The following PIK3CG variants were observed in gnomAD, a reference collection of about 807,000 sequenced individuals.
PIK3CG encodes phosphatidylinositol-4,5-bisphosphate 3-kinase catalytic subunit gamma.
In PIK3CG, 55 loss-of-function variants were observed where a neutral mutation model predicts 102.3. The ratio of observed to expected loss-of-function variants is 0.54; its 90% confidence interval spans 0.43 to 0.67. The LOEUF (loss-of-function observed/expected upper bound fraction) is 0.67. PIK3CG is among the 30% of genes least tolerant of loss of function. PIK3CG has a pLI of 0.00. For missense variants in PIK3CG, 1,258 were observed against 1,391.8 expected (o/e 0.90, Z 1.53); for synonymous variants, 552 against 540.0 (o/e 1.02, Z -0.31).
intron 10 of PIK3CG, 134 bp from the exon 11 acceptor site, chr7:106,904,975 C>A: frequency 2.7e-6 from 2 of 752,834 alleles, no homozygotes; most frequent in South Asian, 1.8e-5. Context: ...AGTTTTTCAT[C>A]TGAGGCAGGG....
In PIK3CG at chr7:106,872,030, A is replaced by C. The variant is rs1190930392; in HGVS notation, c.1996-507A>C. The stretch of plus-strand genomic sequence containing the variant: ...TAAGGACCTGTGAGACAGTTCAGTG[A>C]CTTGCCAGTGAGATGCCGAAAAGGG... On this transcript the variant is annotated intron_variant, in intron 2 of 10. Coordinates refer to ENST00000496166, the MANE Select transcript of PIK3CG (RefSeq NM_001282426.2). The surrounding 1 kb of genome is among the most constrained non-coding windows in gnomAD (Gnocchi z 5.3). 6.6e-6 allele frequency among the ~76,000 whole-genome samples: 1 copy of C among 152,224 alleles called. No homozygotes were observed. The highest frequency in any genetic ancestry group is 2.4e-5 in the African/African-American group (1 of 41,454).
In PIK3CG at chr7:106,897,405, GGTACATGT is replaced by G. The variant is rs2116596968; in HGVS notation, c.3031-7702_3031-7695del. Among the ~76,000 whole-genome samples the G allele has an allele frequency of 6.6e-6, 1 of 152,222 alleles. No homozygotes were observed. Among genetic ancestry groups the G allele is most frequent in the Non-Finnish European group, 1.5e-5 (1 of 68,008 alleles). On this transcript the variant is annotated intron_variant, in intron 10 of 10. Transcript: ENST00000496166. This position sits in a 1 kb window ranked among gnomAD's most constrained non-coding sequence, Gnocchi z 4.6. ...ACCCTTTCTTTTATTTTTGGCTGGG[GGTACATGT>G]GAAAGTTTGTTACATAGGTAAACAC...
chr7:106,875,909 G>GTTTTTT (rs559463107), intron 5 of PIK3CG, among the ~76,000 whole-genome samples: 3 of 123,074 alleles, frequency 2.4e-5, no homozygotes, highest in African/African-American at 6.1e-5. Context: ...TTTTTTTTTT[G>GTTTTTT]TTTTTTTTTT....
chr7:106,887,933 CTTTTTT>C (rs71156344), intron 10 of PIK3CG, among the ~76,000 whole-genome samples: 1 of 60,602 alleles, frequency 1.7e-5, no homozygotes, highest in Non-Finnish European at 2.8e-5. Context: ...GACGACTCTC[CTTTTTT>C]TTTTTTTTTT....
In PIK3CG at chr7:106,885,741, A is replaced by G. The variant is rs200295453; in HGVS notation, c.2873-394A>G. The stretch of plus-strand genomic sequence containing the variant: ...GGCCGTAGATGGCTACTCAAAAGGA[A>G]AAGGTGAATAACCCCTGCCCCCAAG... On this transcript the variant is annotated intron_variant, in intron 9 of 10. Coordinates refer to ENST00000496166, the MANE Select transcript of PIK3CG (RefSeq NM_001282426.2). Among the ~76,000 whole-genome samples the G allele has an allele frequency of 5.9e-5, 9 of 152,060 alleles. No individual in the cohort carries two copies. In the East Asian group the frequency reaches 1.5e-3, roughly 26 times the overall value.
chr7:106,886,127 C>T lies in PIK3CG; in HGVS notation c.2873-8C>T. On this transcript the variant is annotated splice_polypyrimidine_tract_variant and splice_region_variant and intron_variant, in intron 9 of 10. Coordinates refer to ENST00000496166, the MANE Select transcript of PIK3CG (RefSeq NM_001282426.2). The stretch of plus-strand genomic sequence containing the variant: ...CTGTAATGATGTCAGATACTTTCTT[C>T]TCTTAAGGAAACCTATTTCATATTG... 6.2e-7 allele frequency: 1 copy of T among 1,613,004 alleles called. No individual in the cohort carries two copies.
Position 106,894,124 on chromosome 7 carries a change from C to T in PIK3CG, c.3030+7832C>T, listed in dbSNP as rs1296481940. On this transcript the variant is annotated intron_variant, in intron 10 of 10. Transcript: ENST00000496166. This position sits in a 1 kb window ranked among gnomAD's most constrained non-coding sequence, Gnocchi z 4.4. ...ACAGTTTTAAATTAGCCTCCTTCCC[C>T]AACCCATTGTGGATTGTTTCCTTTC... Among the ~76,000 whole-genome samples the T allele has an allele frequency of 6.6e-6, 1 of 152,146 alleles. No individual in the cohort carries two copies. The highest frequency in any genetic ancestry group is 1.5e-5 in the Non-Finnish European group (1 of 68,018).
chr7:106,867,655 C>T lies in PIK3CG; in HGVS notation c.94C>T (p.Leu32=), dbSNP rs900422563. 3.1e-6 allele frequency: 5 copies of T among 1,613,298 alleles called. No individual in the cohort carries two copies. The highest frequency in any genetic ancestry group is 4.2e-6 in the Non-Finnish European group (5 of 1,180,032). The part of the protein sequence containing the change: ...RMKPRSAAAS[L]SSMELIPIEF... ...GAAGCCGCGCAGTGCTGCGGCCAGC[C>T]TGTCCTCCATGGAGCTCATCCCCAT... Residue 32 remains leucine, a synonymous_variant, in exon 2 of 11, where the codon CTG becomes TTG. Transcript: ENST00000496166. The surrounding 1 kb of genome is among the most constrained non-coding windows in gnomAD (Gnocchi z 5.1).
In PIK3CG at chr7:106,892,751, A is replaced by G. The variant is rs1032808471; in HGVS notation, c.3030+6459A>G. Among the ~76,000 whole-genome samples, 1 of 152,194 alleles carries G rather than the reference A, an allele frequency of 6.6e-6. No individual in the cohort carries two copies. The highest frequency in any genetic ancestry group is 1.5e-5 in the Non-Finnish European group (1 of 68,038). On this transcript the variant is annotated intron_variant, in intron 10 of 10. Coordinates refer to ENST00000496166, the MANE Select transcript of PIK3CG (RefSeq NM_001282426.2). This position sits in a 1 kb window ranked among gnomAD's most constrained non-coding sequence, Gnocchi z 5.2. ...GGAGCAATTAATCCTGCCCTAGAGG[A>G]TAGAAAAGGGCTATTCAGAGAAGCA...
At position 106,905,225 on chromosome 7, in the gene PIK3CG, A is replaced by C; in HGVS notation, c.3147A>C (p.Glu1049Asp). The change falls in exon 11 of 11, where the codon GAA becomes GAC. Residue 1049 changes from glutamate to aspartate, a missense_variant. Coordinates refer to ENST00000496166, the MANE Select transcript of PIK3CG (RefSeq NM_001282426.2). This position sits in a 1 kb window ranked among gnomAD's most constrained non-coding sequence, Gnocchi z 5.6. ...MPQLTSKEDI[E>D]YIRDALTVGK... Reference sequence around the variant, plus strand: ...AGTTAACAAGCAAAGAAGACATTGAATATATCCGGGATGCCCTCACAGTGG... The same window carrying C: ...AGTTAACAAGCAAAGAAGACATTGACTATATCCGGGATGCCCTCACAGTGG... 3 of 1,614,160 alleles carry C rather than the reference A, an allele frequency of 1.9e-6. No homozygotes were observed. The highest frequency in any genetic ancestry group is 2.5e-6 in the Non-Finnish European group (3 of 1,180,008).
rs907946805 is a variant in PIK3CG, at chr7:106,903,098, A to T, written c.3031-2011A>T. 1.3e-5 allele frequency among the ~76,000 whole-genome samples: 2 copies of T among 152,140 alleles called. No individual in the cohort carries two copies. The highest frequency in any genetic ancestry group is 4.8e-5 in the African/African-American group (2 of 41,448). On this transcript the variant is annotated intron_variant, in intron 10 of 10. Coordinates refer to ENST00000496166, the MANE Select transcript of PIK3CG (RefSeq NM_001282426.2). The surrounding 1 kb of genome is among the most constrained non-coding windows in gnomAD (Gnocchi z 4.3). ...AAAAGCCACCTGTATTATATATCAT[A>T]TTTATATACTTAAGTATGTCTCTGA... is the stretch of plus-strand genomic sequence containing the variant.
Position 106,879,397 on chromosome 7 carries a change from C to A in PIK3CG, c.2392-122C>A, listed in dbSNP as rs1790866402. ...GTATTTTTACCCAAATATTGAAAAT[C>A]ATTCTCCAACTAGGACTTTGTCCTT... On this transcript the variant is annotated intron_variant, in intron 5 of 10. Transcript: ENST00000496166. The surrounding 1 kb of genome is among the most constrained non-coding windows in gnomAD (Gnocchi z 4.9). 3 of 836,146 alleles carry A rather than the reference C, an allele frequency of 3.6e-6. No individual in the cohort carries two copies. The highest frequency in any genetic ancestry group is 5.9e-6 in the Non-Finnish European group (3 of 505,140). The allele number at this position is 836,146 out of a possible 1,614,324, so 51.8% of individuals were successfully genotyped here.
At chr7:106,878,767 C>T (rs1200423154) in intron 5 of PIK3CG, among the ~76,000 whole-genome samples, 3 of 152,206 alleles carry the variant, frequency 2.0e-5, no homozygotes, top group Non-Finnish European at 2.9e-5. Flanking sequence ...CAATTACCAG[C>T]AAACTGGCCC....
In PIK3CG at chr7:106,872,953, T is replaced by C; in HGVS notation, c.2287+15T>C. On this transcript the variant is annotated intron_variant, in intron 4 of 10. Coordinates refer to ENST00000496166, the MANE Select transcript of PIK3CG (RefSeq NM_001282426.2). This position sits in a 1 kb window ranked among gnomAD's most constrained non-coding sequence, Gnocchi z 5.3. ...CAGTTCCCAAGGTACGGTGGCTATATTTTCTGTGTTCTCTTTCCAAATGCC... is the reference window on the plus strand; with the variant it reads ...CAGTTCCCAAGGTACGGTGGCTATACTTTCTGTGTTCTCTTTCCAAATGCC... 6.4e-7 allele frequency: 1 copy of C among 1,551,336 alleles called. No individual in the cohort carries two copies. Among genetic ancestry groups the C allele is most frequent in the Non-Finnish European group, 8.9e-7 (1 of 1,123,236 alleles).
At chr7:106,896,892 C>G (rs1027124257) in intron 10 of PIK3CG, among the ~76,000 whole-genome samples, 2 of 152,150 alleles carry the variant, frequency 1.3e-5, no homozygotes, top group African/African-American at 2.4e-5. Flanking sequence ...ATGACACAAG[C>G]CTGACCTCAA....
rs1008549467 is a variant in PIK3CG at position 106,908,691 on chromosome 7, T to C, written c.*3304T>C. ...AATTATTTTTTTAAAAAAGGTTACA[T>C]ATAGGAATTCTGCAGTATAATTTGG... On this transcript the variant is annotated 3_prime_UTR_variant, in exon 11 of 11. Transcript: ENST00000496166. This position sits in a 1 kb window ranked among gnomAD's most constrained non-coding sequence, Gnocchi z 4.1. 7.2e-5 allele frequency among the ~76,000 whole-genome samples: 11 copies of C among 152,182 alleles called. No individual in the cohort carries two copies. Among genetic ancestry groups the C allele is most frequent in the African/African-American group, 2.7e-4 (11 of 41,450 alleles).
rs1394561330 is a variant in PIK3CG at position 106,906,122 on chromosome 7, A to AGCAT, written c.*737_*740dup. 1.8e-5 allele frequency: 4 copies of AGCAT among 227,090 alleles called. No homozygotes were observed. Among genetic ancestry groups the AGCAT allele is most frequent in the Non-Finnish European group, 3.5e-5 (4 of 115,180 alleles). The allele number at this position is 227,090 out of a possible 1,614,324, so 14.1% of individuals were successfully genotyped here. A position where few individuals can be genotyped will look rare whatever the true frequency, so the allele number is the denominator to read the frequency against. ...TAGTATGATTAGTATAGCTTTCTCC[A>AGCAT]GCATGGCAGCAGGAAGTAACTACAG... On this transcript the variant is annotated 3_prime_UTR_variant, in exon 11 of 11. Coordinates refer to ENST00000496166, the MANE Select transcript of PIK3CG (RefSeq NM_001282426.2).
In PIK3CG at chr7:106,907,338, GA is replaced by G. The variant is rs1389143332; in HGVS notation, c.*1958del. Among the ~76,000 whole-genome samples, 5 of 151,906 alleles carry G rather than the reference GA, an allele frequency of 3.3e-5. No homozygotes were observed. Among genetic ancestry groups the G allele is most frequent in the African/African-American group, 9.7e-5 (4 of 41,350 alleles). On this transcript the variant is annotated 3_prime_UTR_variant, in exon 11 of 11. Coordinates refer to ENST00000496166, the MANE Select transcript of PIK3CG (RefSeq NM_001282426.2). The stretch of plus-strand genomic sequence containing the variant: ...CTTTTCCCCATCTCACAGGTATCTA[GA>G]AAAAAACTCCTCTTCTTTGGCAACC...
rs142177460 is a variant in PIK3CG at position 106,907,838 on chromosome 7, G to GTATA, written c.*2467_*2470dup. Among the ~76,000 whole-genome samples, 13,957 of 135,220 alleles carry GTATA rather than the reference G, an allele frequency of 0.1. 704 individuals carry two copies. The highest frequency in any genetic ancestry group is 0.13 in the Middle Eastern group (34 of 266). The allele number at this position is 135,220 out of a possible 152,430, so 88.7% of individuals were successfully genotyped here. On this transcript the variant is annotated 3_prime_UTR_variant, in exon 11 of 11. Transcript: ENST00000496166. Reference sequence around the variant, plus strand: ...TATATATATATATGTATGTGTGTGTGTATATATATATATATATATCACAGT... The same window carrying GTATA: ...TATATATATATATGTATGTGTGTGTGTATATATATATATATATATATATCACAGT...
Sources: allele counts gnomAD v4.1 joint callset (sites outside exome capture counted in the v4.1 genomes callset), GRCh38; gene constraint gnomAD v4.1.1; non-coding constraint Gnocchi (gnomAD v3.1); transcripts MANE v1.5; gene names NCBI Gene and HGNC (gene_info 2026-07-23, HGNC 2026-07-21).